The following AGBL1 variants were observed in gnomAD, a reference collection of about 807,000 sequenced individuals.
AGBL1 encodes AGBL carboxypeptidase 1.
Under a neutral mutation model 118.9 loss-of-function variants are expected in AGBL1, and 130 were observed. That is an observed-to-expected ratio of 1.09 (90% CI 0.95 to 1.26). AGBL1 has a LOEUF of 1.26. AGBL1 is among the 50% of genes most tolerant of loss of function. AGBL1 has a pLI of 0.00. For missense variants in AGBL1, 1,584 were observed against 1,298.1 expected (o/e 1.22, Z -3.38); for synonymous variants, 555 against 478.9 (o/e 1.16, Z -2.08).
intron 1 of AGBL1, among the ~76,000 whole-genome samples, chr15:86,106,548 A>G (rs1029625841): frequency 6.6e-6 from 1 of 152,220 alleles, no homozygotes; most frequent in Non-Finnish European, 1.5e-5. Flanking sequence ...CATAATGGCG[A>G]GGGATGCTAC....
intron 22 of AGBL1, among the ~76,000 whole-genome samples, chr15:86,845,793 C>T (rs535497577): frequency 6.6e-6 from 1 of 152,224 alleles, no homozygotes; most frequent in Non-Finnish European, 1.5e-5. Context: ...TTCATGAATC[C>T]ATTTTGGTAA....
At chr15:86,119,175 G>C (rs1417331816) in intron 1 of AGBL1, among the ~76,000 whole-genome samples, 1 of 152,168 alleles carries the variant, frequency 6.6e-6, no homozygotes. Flanking sequence ...CACACTCTGG[G>C]TTTAGTAAAG....
chr15:86,246,039 C>A (rs903633214), intron 6 of AGBL1, among the ~76,000 whole-genome samples: 94 of 152,278 alleles, frequency 6.2e-4, no homozygotes, highest in Middle Eastern at 3.4e-3. Flanking sequence ...GTGCAAGCCA[C>A]CACATTTGGC....
intron 22 of AGBL1, among the ~76,000 whole-genome samples, chr15:86,680,791 TC>T (rs768350091): frequency 2.6e-4 from 39 of 151,950 alleles, no homozygotes; most frequent in Non-Finnish European, 5.0e-4. Flanking sequence ...GGTTTTGAAC[TC>T]CTGACCTCAA....
chr15:86,438,789 A>T (rs1460699166), intron 18 of AGBL1, among the ~76,000 whole-genome samples: 1 of 151,404 alleles, frequency 6.6e-6, no homozygotes, highest in Non-Finnish European at 1.5e-5. Context: ...AGCCTCCCAG[A>T]TAGCTGGGAT....
At chr15:86,862,443 G>A (rs1387866186) in intron 22 of AGBL1, among the ~76,000 whole-genome samples, 2 of 152,190 alleles carry the variant, frequency 1.3e-5, no homozygotes, top group Non-Finnish European at 2.9e-5. Flanking sequence ...TTTTCAGCCA[G>A]GCATGGTGGC....
chr15:86,490,762 G>T (rs1467143728), intron 18 of AGBL1, among the ~76,000 whole-genome samples: 2 of 152,078 alleles, frequency 1.3e-5, no homozygotes, highest in African/African-American at 4.8e-5. Flanking sequence ...CTGAAATATT[G>T]TTTCTCAGTG....
chr15:86,837,860 A>G (rs2079190295), intron 22 of AGBL1, among the ~76,000 whole-genome samples: 1 of 152,146 alleles, frequency 6.6e-6, no homozygotes, highest in Non-Finnish European at 1.5e-5. Flanking sequence ...CTAGTTCTGT[A>G]TTCTCTTGCT....
At chr15:86,332,563 G>A (rs531309898) in intron 17 of AGBL1, among the ~76,000 whole-genome samples, 8 of 151,208 alleles carry the variant, frequency 5.3e-5, no homozygotes, top group African/African-American at 1.5e-4. Flanking sequence ...GGAGAATGGC[G>A]TGAACCCAGG....
intron 1 of AGBL1, among the ~76,000 whole-genome samples, chr15:86,121,902 A>C (rs1170644888): frequency 6.6e-6 from 1 of 152,246 alleles, no homozygotes. Flanking sequence ...GTTATAAGAT[A>C]AAATGAAACA....
At chr15:86,196,871 G>GCGCGCA (rs1427843907) in intron 5 of AGBL1, among the ~76,000 whole-genome samples, 1 of 99,600 alleles carries the variant, frequency 1.0e-5, no homozygotes, top group Non-Finnish European at 1.9e-5. Context: ...GCACATGTGC[G>GCGCGCA]CGCGCGCGCA....
At chr15:86,655,086 A>G (rs999001568) in intron 21 of AGBL1, among the ~76,000 whole-genome samples, 5 of 152,070 alleles carry the variant, frequency 3.3e-5, no homozygotes, top group Non-Finnish European at 5.9e-5. Flanking sequence ...GGAAGAGCCT[A>G]CTCTATCCAT....
At chr15:86,281,457 G>A (rs562017415) in intron 16 of AGBL1, among the ~76,000 whole-genome samples, 20 of 152,250 alleles carry the variant, frequency 1.3e-4, no homozygotes, top group African/African-American at 4.6e-4. Context: ...TTTAAAATAC[G>A]TGTTATGTGT....
At chr15:86,221,719 T>A (rs2078283371) in intron 5 of AGBL1, among the ~76,000 whole-genome samples, 1 of 152,160 alleles carries the variant, frequency 6.6e-6, no homozygotes, top group South Asian at 2.1e-4. Flanking sequence ...AGATCTTATG[T>A]GGACACTACA....
chr15:86,579,249 G>C, intron 21 of AGBL1, among the ~76,000 whole-genome samples: 1 of 152,116 alleles, frequency 6.6e-6, no homozygotes, highest in East Asian at 1.9e-4. Context: ...TTAGCAAAAT[G>C]GAATCCTGGG....
At chr15:86,646,307 T>C (rs1431321821) in intron 21 of AGBL1, among the ~76,000 whole-genome samples, 1 of 152,158 alleles carries the variant, frequency 6.6e-6, no homozygotes, top group Admixed American at 6.5e-5. Flanking sequence ...GGCTTCCTCA[T>C]GTCTGGTTTT....
intron 21 of AGBL1, among the ~76,000 whole-genome samples, chr15:86,592,214 C>T (rs1323749241): frequency 1.3e-5 from 2 of 152,130 alleles, no homozygotes; most frequent in Non-Finnish European, 2.9e-5. Context: ...TACTCTGGGG[C>T]CACGTAAATG....
chr15:86,310,569 G>A (rs1355929981), intron 17 of AGBL1, among the ~76,000 whole-genome samples: 3 of 152,022 alleles, frequency 2.0e-5, no homozygotes, highest in African/African-American at 7.2e-5. Context: ...GGGTCAGCCT[G>A]GTGCAGGGGG....
At chr15:86,100,129 A>G (rs533389211) in intron 1 of AGBL1, among the ~76,000 whole-genome samples, 1 of 152,282 alleles carries the variant, frequency 6.6e-6, no homozygotes, top group African/African-American at 2.4e-5. Flanking sequence ...AAGATGCGAT[A>G]TATGACAGTT....
Sources: allele counts gnomAD v4.1 joint callset (sites outside exome capture counted in the v4.1 genomes callset), GRCh38; gene constraint gnomAD v4.1.1; transcripts MANE v1.5; gene names NCBI Gene and HGNC (gene_info 2026-07-23, HGNC 2026-07-21).